MACROD2: variants seen among roughly 807,000 people sequenced by gnomAD.
The protein encoded by MACROD2 is mono-ADP ribosylhydrolase 2, also known as ADP-ribose glycohydrolase MACROD2.
MACROD2 carries 36 observed loss-of-function variants against 70.4 expected under a neutral mutation model. The ratio of observed to expected loss-of-function variants is 0.51; its 90% CI spans 0.39 to 0.68. MACROD2 has a LOEUF of 0.68. Among genes scored for constraint, MACROD2 ranks in the 30% least tolerant of loss-of-function variants. The pLI, the probability that MACROD2 is intolerant of heterozygous loss-of-function variation, is 0.00. For missense variants in MACROD2, 496 were observed against 538.4 expected, an observed-to-expected ratio of 0.92 and a Z score of 0.78; for synonymous variants, 172 against 178.8, an observed-to-expected ratio of 0.96 and a Z score of 0.30.
At chr20:15,021,980 G>A (rs1456063829) in intron 5 of MACROD2, among the ~76,000 whole-genome samples, 1 of 152,020 alleles carries the variant, frequency 6.6e-6, no homozygotes, top group Admixed American at 6.6e-5. Flanking sequence ...CAATTCTTCT[G>A]TAAGCCAAAA....
intron 8 of MACROD2, among the ~76,000 whole-genome samples, chr20:15,826,144 T>C (rs1461212933): frequency 6.6e-6 from 1 of 152,250 alleles, no homozygotes; most frequent in Admixed American, 6.5e-5. Context: ...TTTGCACAGA[T>C]ATTTGTAATT....
At chr20:15,236,580 C>A (rs2077015481) in intron 6 of MACROD2, among the ~76,000 whole-genome samples, 1 of 152,198 alleles carries the variant, frequency 6.6e-6, no homozygotes. Context: ...AATGTGATTT[C>A]TTCCATCTTA....
chr20:15,990,459 G>T (rs2066542950), intron 15 of MACROD2, among the ~76,000 whole-genome samples: 1 of 151,922 alleles, frequency 6.6e-6, no homozygotes, highest in Non-Finnish European at 1.5e-5. Flanking sequence ...ATATATATTG[G>T]ATATTTTTTT....
intron 9 of MACROD2, among the ~76,000 whole-genome samples, chr20:15,877,176 CTGG>C (rs968605668): frequency 6.6e-6 from 1 of 152,132 alleles, no homozygotes; most frequent in African/African-American, 2.4e-5. Flanking sequence ...CCAGCCCTCT[CTGG>C]TGTACTTGCT....
chr20:15,380,795 C>T (rs12106145), intron 6 of MACROD2, among the ~76,000 whole-genome samples: 14,574 of 152,040 alleles, frequency 0.096, 1,222 homozygotes, highest in African/African-American at 0.22. Flanking sequence ...ATTAATAATG[C>T]AGACTAAACT....
chr20:14,729,143 G>A (rs2071563725), intron 5 of MACROD2, among the ~76,000 whole-genome samples: 1 of 152,004 alleles, frequency 6.6e-6, no homozygotes, highest in African/African-American at 2.4e-5. Context: ...AAAGTGCTTG[G>A]TAAAGCACTT....
At chr20:14,391,789 A>T (rs2083529325) in intron 3 of MACROD2, among the ~76,000 whole-genome samples, 1 of 145,384 alleles carries the variant, frequency 6.9e-6, no homozygotes, top group African/African-American at 2.6e-5. Context: ...GGACATAAAG[A>T]TGGCAACAAT....
chr20:14,595,165 A>G (rs1243874653), intron 4 of MACROD2, among the ~76,000 whole-genome samples: 5 of 152,198 alleles, frequency 3.3e-5, no homozygotes. Context: ...CTTCATTTTT[A>G]ATGATAGTGT....
At chr20:14,544,463 GCTAT>G (rs1422087032) in intron 4 of MACROD2, among the ~76,000 whole-genome samples, 1 of 151,922 alleles carries the variant, frequency 6.6e-6, no homozygotes, top group Non-Finnish European at 1.5e-5. Context: ...GGGTAATATA[GCTAT>G]ATGTGTGAGA....
chr20:14,578,192 C>G (rs945884962), intron 4 of MACROD2, among the ~76,000 whole-genome samples: 2 of 151,096 alleles, frequency 1.3e-5, no homozygotes, highest in African/African-American at 4.9e-5. Flanking sequence ...ATATCAATGG[C>G]AGGTTTTCTT....
intron 5 of MACROD2, among the ~76,000 whole-genome samples, chr20:14,964,700 A>G (rs1166716198): frequency 6.6e-6 from 1 of 152,238 alleles, no homozygotes; most frequent in African/African-American, 2.4e-5. Context: ...TGGAAATAGT[A>G]GCTAGATTTA....
intron 8 of MACROD2, among the ~76,000 whole-genome samples, chr20:15,857,247 TG>T (rs1408804832): frequency 2.0e-5 from 3 of 152,188 alleles, no homozygotes; most frequent in African/African-American, 7.2e-5. Context: ...GTCCCTTGCC[TG>T]TCCATCTGGA....
chr20:14,311,044 GAAGA>G (rs943671176), intron 3 of MACROD2, among the ~76,000 whole-genome samples: 8 of 152,188 alleles, frequency 5.3e-5, no homozygotes, highest in Non-Finnish European at 8.8e-5. Context: ...ATTTATTATT[GAAGA>G]AAGAAAAATA....
chr20:15,313,172 A>G (rs2077771581), intron 6 of MACROD2, among the ~76,000 whole-genome samples: 1 of 152,176 alleles, frequency 6.6e-6, no homozygotes, highest in South Asian at 2.1e-4. Context: ...CATAAATTTC[A>G]AAAGTTTTCA....
chr20:14,159,282 T>C (rs1323653918), intron 3 of MACROD2, among the ~76,000 whole-genome samples: 1 of 152,112 alleles, frequency 6.6e-6, no homozygotes, highest in Non-Finnish European at 1.5e-5. Context: ...ACATTAGTAT[T>C]TTTGTAGGCA....
chr20:14,284,902 T>C lies in MACROD2; in HGVS notation c.271+199174T>C, dbSNP rs78219070. On this transcript the variant is annotated intron_variant, in intron 3 of 17. Coordinates refer to ENST00000684519, the MANE Select transcript of MACROD2 (RefSeq NM_001351661.2). ...CTTGGTAATGTTACATTATTAGACA[T>C]TATTATAACAAACTCTTGATTATAT... Among the ~76,000 whole-genome samples, 1,230 of 152,294 alleles carry C rather than the reference T, an allele frequency of 8.1e-3. 14 individuals carry two copies. The highest frequency in any genetic ancestry group is 0.028 in the African/African-American group (1,171 of 41,554).
chr20:15,331,338 C>T (rs2077990047), intron 6 of MACROD2, among the ~76,000 whole-genome samples: 1 of 151,420 alleles, frequency 6.6e-6, no homozygotes, highest in Admixed American at 6.6e-5. Flanking sequence ...TATTTTGAAC[C>T]TGGTGAGGTC....
At chr20:14,457,705 T>G (rs529769340) in intron 3 of MACROD2, among the ~76,000 whole-genome samples, 3 of 152,116 alleles carry the variant, frequency 2.0e-5, no homozygotes, top group African/African-American at 7.2e-5. Flanking sequence ...GGGAAACAAG[T>G]TGAGAAATGA....
chr20:15,548,930 C>T (rs530512386), intron 8 of MACROD2, among the ~76,000 whole-genome samples: 57 of 152,282 alleles, frequency 3.7e-4, no homozygotes, highest in Admixed American at 2.8e-3. Flanking sequence ...ACTCTCAGTC[C>T]GGGATGTGAG....
Sources: gnomAD v4.1 joint callset for allele counts (sites outside exome capture counted in the v4.1 genomes callset) on GRCh38, gnomAD v4.1.1 for gene constraint, MANE v1.5 for transcripts, NCBI Gene and HGNC (gene_info 2026-07-23, HGNC 2026-07-21) for gene names.